The following PCDH7 variants were observed in gnomAD, a reference collection of about 807,000 sequenced individuals.
PCDH7 encodes the protein protocadherin 7.
PCDH7 carries 17 observed loss-of-function variants against 58.9 expected under a neutral mutation model. The ratio of observed to expected loss-of-function variants is 0.29; its 90% CI spans 0.20 to 0.43. The LOEUF (loss-of-function observed/expected upper bound fraction) is 0.43. PCDH7 is among the 20% of genes least tolerant of loss of function. PCDH7 has a pLI of 1.00. For synonymous variants in PCDH7, 664 were observed against 616.4 expected (o/e 1.08, Z -1.14); for missense variants, 1,274 against 1,441.0 (o/e 0.88, Z 1.88).
At chr4:30,765,487 T>C (rs750089230) in intron 1 of PCDH7, among the ~76,000 whole-genome samples, 2 of 152,180 alleles carry the variant, frequency 1.3e-5, no homozygotes, top group Non-Finnish European at 2.9e-5. Context: ...TAGAACCTGC[T>C]GTGCAAAGGT....
At chr4:31,133,209 C>T (rs113230054) in intron 3 of PCDH7, among the ~76,000 whole-genome samples, 18 of 152,270 alleles carry the variant, frequency 1.2e-4, no homozygotes, top group African/African-American at 3.8e-4. Context: ...TTCTCATTCA[C>T]CTGGATGTTG....
intron 3 of PCDH7, among the ~76,000 whole-genome samples, chr4:31,062,580 G>C (rs1487190670): frequency 6.6e-6 from 1 of 151,726 alleles, no homozygotes; most frequent in East Asian, 1.9e-4. Flanking sequence ...ATCAACAACT[G>C]ATTTCATAAA....
chr4:30,878,719 G>A (rs1397142635), intron 1 of PCDH7, among the ~76,000 whole-genome samples: 2 of 152,038 alleles, frequency 1.3e-5, no homozygotes, highest in East Asian at 3.9e-4. Context: ...GTTTGATGGT[G>A]GGCGCCTGTA....
chr4:31,120,628 G>A (rs1249630693), intron 3 of PCDH7, among the ~76,000 whole-genome samples: 2 of 151,836 alleles, frequency 1.3e-5, no homozygotes, highest in African/African-American at 4.8e-5. Context: ...GAAATTTGAG[G>A]TGCAGAATCT....
At position 31,097,638 on chromosome 4, in the gene PCDH7, A is replaced by ATATATATAATC. The variant is rs370034723; in HGVS notation, c.*8-44835_*8-44834insTATATATAATC. Among the ~76,000 whole-genome samples the ATATATATAATC allele has an allele frequency of 3.0e-3, 235 of 79,224 alleles. 37 individuals are homozygous for ATATATATAATC. The highest frequency in any genetic ancestry group is 4.7e-3 in the South Asian group (11 of 2,316). 52.0% of individuals were successfully genotyped at this position (79,224 alleles called of 152,430 possible). A position where few individuals can be genotyped will look rare whatever the true frequency, so the allele number is the denominator to read the frequency against. On this transcript the variant is annotated intron_variant, in intron 3 of 3. Transcript: ENST00000509759. ...TATATATATATATATATATATATAT[A>ATATATATAATC]AATCTTTTTTCTGTAATTTCTGTAA...
intron 3 of PCDH7, among the ~76,000 whole-genome samples, chr4:30,991,389 G>A (rs77520376): frequency 0.066 from 10,044 of 152,256 alleles, 451 homozygotes; most frequent in Middle Eastern, 0.11. Context: ...TTGTGAGAGG[G>A]AGGAAAGAGG....
At chr4:30,846,313 G>T (rs1731938626) in intron 1 of PCDH7, among the ~76,000 whole-genome samples, 1 of 152,016 alleles carries the variant, frequency 6.6e-6, no homozygotes, top group South Asian at 2.1e-4. Context: ...GGAGGCAGTG[G>T]ATTAGTTATT....
intron 3 of PCDH7, among the ~76,000 whole-genome samples, chr4:31,091,163 G>T (rs1286769447): frequency 2.0e-5 from 3 of 151,898 alleles, no homozygotes; most frequent in Non-Finnish European, 2.9e-5. Context: ...AGCTTGCTGA[G>T]GAGTTATGAC....
At chr4:31,073,793 C>T (rs1758755882) in intron 3 of PCDH7, among the ~76,000 whole-genome samples, 1 of 151,978 alleles carries the variant, frequency 6.6e-6, no homozygotes. Flanking sequence ...AATCATAATC[C>T]TTTTCAAGAT....
intron 1 of PCDH7, among the ~76,000 whole-genome samples, chr4:30,829,874 A>G (rs1466188184): frequency 6.6e-6 from 1 of 152,090 alleles, no homozygotes; most frequent in Non-Finnish European, 1.5e-5. Flanking sequence ...GGACCACTTT[A>G]TAGCCCGCAT....
chr4:30,987,336 T>C (rs1444735125), intron 3 of PCDH7, among the ~76,000 whole-genome samples: 1 of 152,128 alleles, frequency 6.6e-6, no homozygotes, highest in Non-Finnish European at 1.5e-5. Context: ...TTTTCTTATT[T>C]ACATATTACT....
chr4:30,953,350 GTCTA>G (rs972200927), intron 3 of PCDH7, among the ~76,000 whole-genome samples: 1 of 151,928 alleles, frequency 6.6e-6, no homozygotes, highest in African/African-American at 2.4e-5. Context: ...GATATCTAAT[GTCTA>G]TCTATTTTCT....
intron 1 of PCDH7, among the ~76,000 whole-genome samples, chr4:30,812,164 CA>C (rs1727105010): frequency 1.3e-5 from 2 of 152,100 alleles, no homozygotes; most frequent in South Asian, 4.1e-4. Flanking sequence ...TTTAAATAAA[CA>C]AAACTGTTTA....
At chr4:31,131,984 A>G (rs1409761029) in intron 3 of PCDH7, among the ~76,000 whole-genome samples, 1 of 152,142 alleles carries the variant, frequency 6.6e-6, no homozygotes, top group African/African-American at 2.4e-5. Context: ...TTCAAATATG[A>G]TTTGAACTTC....
intron 3 of PCDH7, among the ~76,000 whole-genome samples, chr4:31,122,368 T>C (rs571596591): frequency 6.6e-6 from 1 of 152,262 alleles, no homozygotes; most frequent in South Asian, 2.1e-4. Flanking sequence ...AGCTTTTTTT[T>C]CAGAGAAGCA....
At chr4:31,030,305 A>T (rs1182324407) in intron 3 of PCDH7, among the ~76,000 whole-genome samples, 2 of 152,160 alleles carry the variant, frequency 1.3e-5, no homozygotes, top group Admixed American at 6.5e-5. Context: ...AGGGCCAGCT[A>T]TTTAGTACTA....
At position 31,003,517 on chromosome 4, in the gene PCDH7, A is replaced by G. The variant is rs546395444; in HGVS notation, c.*7+53302A>G. On this transcript the variant is annotated intron_variant, in intron 3 of 3. Coordinates refer to the PCDH7 transcript ENST00000509759. ...TTGTTTTGGATTTTGGAATATTTGC[A>G]TTGTGATTACCGGCTCAGTATCCCT... Among the ~76,000 whole-genome samples, 106 of 152,034 alleles carry G rather than the reference A, an allele frequency of 7.0e-4. 1 individual carries two copies. Among genetic ancestry groups the G allele is most frequent in the Admixed American group, 2.2e-3 (34 of 15,254 alleles).
chr4:30,914,059 A>G (rs1348510676), intron 1 of PCDH7, among the ~76,000 whole-genome samples: 1 of 152,176 alleles, frequency 6.6e-6, no homozygotes, highest in Non-Finnish European at 1.5e-5. Flanking sequence ...AGGCCTCCCA[A>G]CAGCAGAAGA....
chr4:30,869,983 G>C, intron 1 of PCDH7, among the ~76,000 whole-genome samples: 1 of 151,840 alleles, frequency 6.6e-6, no homozygotes, highest in East Asian at 1.9e-4. Context: ...ATTCTAACTG[G>C]TGTGAGATGG....
Sources: allele counts gnomAD v4.1 joint callset (sites outside exome capture counted in the v4.1 genomes callset), GRCh38; gene constraint gnomAD v4.1.1; transcripts MANE v1.5; gene names NCBI Gene and HGNC (gene_info 2026-07-23, HGNC 2026-07-21).